Variants in ADAMTS3 observed in about 807,000 individuals in gnomAD.
ADAMTS3 encodes the protein A disintegrin and metalloproteinase with thrombospondin motifs 3.
Under a neutral mutation model 129.0 loss-of-function variants are expected in ADAMTS3, and 73 were observed. That is an observed-to-expected ratio of 0.57 (90% CI 0.47 to 0.69). The LOEUF (loss-of-function observed/expected upper bound fraction) is 0.69. ADAMTS3 is among the 30% of genes least tolerant of loss of function. The pLI, the probability that ADAMTS3 is intolerant of heterozygous loss-of-function variation, is 0.00. For synonymous variants in ADAMTS3, 477 were observed against 510.8 expected (o/e 0.93, Z 0.89); for missense variants, 1,457 against 1,514.5 (o/e 0.96, Z 0.63).
chr4:72,441,173 T>G (rs1718102608), intron 3 of ADAMTS3, among the ~76,000 whole-genome samples: 1 of 151,948 alleles, frequency 6.6e-6, no homozygotes, highest in African/African-American at 2.4e-5. Flanking sequence ...TATGCAGACT[T>G]TTTAAATCTG....
rs547591024 is a variant in ADAMTS3 at position 72,390,053 on chromosome 4, T to C, written c.661+24762A>G. On this transcript the variant is annotated intron_variant, in intron 4 of 21. Coordinates refer to ENST00000286657, the MANE Select transcript of ADAMTS3 (RefSeq NM_014243.3). ...CGGAACTGGGAAGAAATACCATGAA[T>C]ACAAATGAGAGAAAATCTATTTCTA... Among the ~76,000 whole-genome samples, 51 of 152,266 alleles carry C rather than the reference T, an allele frequency of 3.3e-4. No homozygotes were observed. The South Asian group carries it at 7.7e-3, about 23-fold the overall frequency.
At chr4:72,376,893 G>C (rs1016425764) in intron 4 of ADAMTS3, among the ~76,000 whole-genome samples, 3 of 152,146 alleles carry the variant, frequency 2.0e-5, no homozygotes, top group African/African-American at 7.2e-5. Flanking sequence ...AAAAGACACT[G>C]TGTGAGTGTA....
intron 3 of ADAMTS3, among the ~76,000 whole-genome samples, chr4:72,454,682 A>G (rs1377712333): frequency 3.3e-5 from 5 of 151,698 alleles, no homozygotes; most frequent in Non-Finnish European, 5.9e-5. Context: ...AATAGGTTGA[A>G]GAAGACCAGG....
At chr4:72,407,133 G>A (rs552549355) in intron 4 of ADAMTS3, among the ~76,000 whole-genome samples, 20 of 152,170 alleles carry the variant, frequency 1.3e-4, no homozygotes, top group African/African-American at 4.6e-4. Context: ...GTACATAGTA[G>A]TGATGTCCAC....
intron 3 of ADAMTS3, among the ~76,000 whole-genome samples, chr4:72,519,980 TG>T (rs1720615797): frequency 6.6e-6 from 1 of 151,980 alleles, no homozygotes; most frequent in South Asian, 2.1e-4. Flanking sequence ...TATCTACTTT[TG>T]GTCTTTGATG....
chr4:72,398,296 T>G (rs1578644680), intron 4 of ADAMTS3, among the ~76,000 whole-genome samples: 1 of 152,176 alleles, frequency 6.6e-6, no homozygotes, highest in South Asian at 2.1e-4. Flanking sequence ...GTGGCTCACT[T>G]CTGTAATCCC....
chr4:72,399,089 A>G (rs1366639150), intron 4 of ADAMTS3, among the ~76,000 whole-genome samples: 4 of 152,220 alleles, frequency 2.6e-5, no homozygotes, highest in Non-Finnish European at 4.4e-5. Flanking sequence ...TTTTAAAAGT[A>G]CTTGCAAAGC....
chr4:72,394,818 A>G (rs1721685050), intron 4 of ADAMTS3, among the ~76,000 whole-genome samples: 1 of 152,350 alleles, frequency 6.6e-6, no homozygotes, highest in African/African-American at 2.4e-5. Flanking sequence ...TATATTATTC[A>G]ATTAATATTC....
intron 2 of ADAMTS3, among the ~76,000 whole-genome samples, chr4:72,555,754 C>G (rs1454431428): frequency 6.6e-6 from 1 of 151,526 alleles, no homozygotes; most frequent in Non-Finnish European, 1.5e-5. Context: ...AGAGGAGGAG[C>G]CTGGTGGGGG....
At chr4:72,408,608 A>C (rs945679119) in intron 4 of ADAMTS3, among the ~76,000 whole-genome samples, 1 of 152,122 alleles carries the variant, frequency 6.6e-6, no homozygotes, top group Non-Finnish European at 1.5e-5. Context: ...AAAATGATGA[A>C]ACAAAAGATT....
At chr4:72,384,461 T>C (rs1721383587) in intron 4 of ADAMTS3, among the ~76,000 whole-genome samples, 1 of 152,176 alleles carries the variant, frequency 6.6e-6, no homozygotes, top group South Asian at 2.1e-4. Context: ...TTACGAGTTA[T>C]CCTTGACTTC....
intron 3 of ADAMTS3, among the ~76,000 whole-genome samples, chr4:72,440,507 T>C (rs182176740): frequency 1.1e-4 from 16 of 151,954 alleles, no homozygotes; most frequent in African/African-American, 3.6e-4. Flanking sequence ...GCAATGCATA[T>C]GATGTTCACT....
At chr4:72,552,760 C>G (rs1351572326) in intron 2 of ADAMTS3, among the ~76,000 whole-genome samples, 2 of 152,162 alleles carry the variant, frequency 1.3e-5, no homozygotes, top group Non-Finnish European at 2.9e-5. Flanking sequence ...CTCACTCTCT[C>G]AATTGCTTCA....
chr4:72,383,328 A>G (rs547570868), intron 4 of ADAMTS3, among the ~76,000 whole-genome samples: 2 of 152,348 alleles, frequency 1.3e-5, no homozygotes, highest in Non-Finnish European at 1.5e-5. Context: ...CACTTGGAAG[A>G]ATGAAACGAC....
chr4:72,415,239 A>G (rs754274783), intron 3 of ADAMTS3, among the ~76,000 whole-genome samples: 2 of 152,058 alleles, frequency 1.3e-5, no homozygotes, highest in Non-Finnish European at 2.9e-5. Context: ...AAATCATACA[A>G]TGTATATATT....
chr4:72,500,582 A>G (rs1173383900), intron 3 of ADAMTS3, among the ~76,000 whole-genome samples: 1 of 152,094 alleles, frequency 6.6e-6, no homozygotes, highest in African/African-American at 2.4e-5. Context: ...ATCTGTTGAT[A>G]GTTTATTTTG....
At chr4:72,486,860 T>C (rs994544215) in intron 3 of ADAMTS3, among the ~76,000 whole-genome samples, 1 of 152,102 alleles carries the variant, frequency 6.6e-6, no homozygotes, top group African/African-American at 2.4e-5. Flanking sequence ...ACTTCCTTAT[T>C]CCCCCTCTAA....
At chr4:72,290,293 C>T (rs1031168307) in intron 20 of ADAMTS3, among the ~76,000 whole-genome samples, 1 of 152,092 alleles carries the variant, frequency 6.6e-6, no homozygotes, top group Non-Finnish European at 1.5e-5. Flanking sequence ...TTAAGTTGTA[C>T]TGCATTTCAG....
intron 15 of ADAMTS3, among the ~76,000 whole-genome samples, chr4:72,306,615 T>C (rs1306290745): frequency 6.6e-6 from 1 of 151,988 alleles, no homozygotes; most frequent in Admixed American, 6.6e-5. Context: ...TCATTTTTCT[T>C]GTGATCAGTA....
Sources: gnomAD v4.1 joint callset for allele counts (sites outside exome capture counted in the v4.1 genomes callset) on GRCh38, gnomAD v4.1.1 for gene constraint, MANE v1.5 for transcripts, NCBI Gene and HGNC (gene_info 2026-07-23, HGNC 2026-07-21) for gene names.